NPAS3: variants seen among roughly 807,000 people sequenced by gnomAD.
NPAS3 encodes neuronal PAS domain-containing protein 3.
Under a neutral mutation model 73.1 loss-of-function variants are expected in NPAS3, and 14 were observed. The ratio of observed to expected loss-of-function variants is 0.19; its 90% CI spans 0.13 to 0.30. The LOEUF (loss-of-function observed/expected upper bound fraction) is 0.30. Ranked by LOEUF, NPAS3 falls within the 10% of genes least tolerant of loss-of-function variation. The pLI, the probability that NPAS3 is intolerant of heterozygous loss-of-function variation, is 1.00. For missense variants in NPAS3, 1,096 were observed against 1,250.0 expected, an observed-to-expected ratio of 0.88 and a Z score of 1.86; for synonymous variants, 620 against 541.5, an observed-to-expected ratio of 1.14 and a Z score of -2.01.
chr14:33,325,698 G>A (rs1052876901), intron 3 of NPAS3, among the ~76,000 whole-genome samples: 6 of 146,420 alleles, frequency 4.1e-5, no homozygotes, highest in African/African-American at 1.5e-4. Flanking sequence ...ACCCTGTTGT[G>A]TTATCTAATA....
intron 4 of NPAS3, among the ~76,000 whole-genome samples, chr14:33,500,680 A>G (rs2052468338): frequency 6.6e-6 from 1 of 151,968 alleles, no homozygotes; most frequent in African/African-American, 2.4e-5. Context: ...GCTTTAAAAA[A>G]CAAAACAAAA....
chr14:33,553,406 T>C (rs1354099293), intron 4 of NPAS3, among the ~76,000 whole-genome samples: 4 of 152,258 alleles, frequency 2.6e-5, no homozygotes, highest in Non-Finnish European at 2.9e-5. Context: ...AGGCCATCTA[T>C]GGCTCTTAAC....
chr14:33,450,937 C>T (rs907424168), intron 4 of NPAS3, among the ~76,000 whole-genome samples: 1 of 152,126 alleles, frequency 6.6e-6, no homozygotes. Context: ...TCTATAGGAG[C>T]TCTGTAACTG....
intron 1 of NPAS3, among the ~76,000 whole-genome samples, chr14:32,946,346 G>GCACACACACACACACACACACA (rs5807694): frequency 7.6e-6 from 1 of 131,872 alleles, no homozygotes; most frequent in Non-Finnish European, 1.6e-5. Context: ...ACACACACAC[G>GCACACACACACACACACACACA]CGCACACACA....
At chr14:33,547,674 G>A (rs2054911773) in intron 4 of NPAS3, among the ~76,000 whole-genome samples, 1 of 152,082 alleles carries the variant, frequency 6.6e-6, no homozygotes, top group Non-Finnish European at 1.5e-5. Context: ...TATGAAAAGG[G>A]AACTAAAATA....
At chr14:32,989,946 G>A (rs1431013777) in intron 1 of NPAS3, among the ~76,000 whole-genome samples, 2 of 152,156 alleles carry the variant, frequency 1.3e-5, no homozygotes, top group Non-Finnish European at 2.9e-5. Flanking sequence ...AGTGTGAATA[G>A]GGGTGGACTT....
intron 2 of NPAS3, among the ~76,000 whole-genome samples, chr14:33,161,203 T>C (rs1175213244): frequency 6.6e-6 from 1 of 152,234 alleles, no homozygotes; most frequent in Non-Finnish European, 1.5e-5. Flanking sequence ...ATATTTTCTG[T>C]ATAGTTTCCT....
chr14:33,547,550 C>A (rs748469393), intron 4 of NPAS3, among the ~76,000 whole-genome samples: 2 of 152,106 alleles, frequency 1.3e-5, no homozygotes, highest in Non-Finnish European at 2.9e-5. Flanking sequence ...ACATTGGCTG[C>A]GAAGTACGGT....
At chr14:33,490,966 T>TGCAGCAGCA (rs56325961) in intron 4 of NPAS3, among the ~76,000 whole-genome samples, 2 of 152,206 alleles carry the variant, frequency 1.3e-5, no homozygotes, top group Non-Finnish European at 2.9e-5. Context: ...AATTTTTCAC[T>TGCAGCAGCA]GCAGCAGCAG....
chr14:33,783,231 G>A (rs962190043), intron 9 of NPAS3, among the ~76,000 whole-genome samples: 2 of 152,192 alleles, frequency 1.3e-5, no homozygotes, highest in African/African-American at 4.8e-5. Flanking sequence ...TGCAAGTGAA[G>A]GAAAGAGAAA....
chr14:33,642,710 T>C (rs956151686), intron 5 of NPAS3, among the ~76,000 whole-genome samples: 3 of 152,168 alleles, frequency 2.0e-5, no homozygotes, highest in African/African-American at 7.2e-5. Flanking sequence ...GTGCACCTAT[T>C]TTTTTAATTA....
chr14:33,684,876 G>A (rs1293287989), intron 6 of NPAS3, among the ~76,000 whole-genome samples: 1 of 152,224 alleles, frequency 6.6e-6, no homozygotes, highest in Admixed American at 6.5e-5. Context: ...GCAGAGCAGA[G>A]CAATGGTGTT....
intron 2 of NPAS3, among the ~76,000 whole-genome samples, chr14:33,183,843 A>G (rs1038127351): frequency 2.0e-5 from 3 of 151,994 alleles, no homozygotes; most frequent in African/African-American, 7.2e-5. Context: ...CACTCCTCCT[A>G]TCTGCAAGCC....
At chr14:33,465,902 A>T (rs1281722666) in intron 4 of NPAS3, among the ~76,000 whole-genome samples, 2 of 152,210 alleles carry the variant, frequency 1.3e-5, no homozygotes, top group African/African-American at 4.8e-5. Context: ...TATATAATAG[A>T]TAATAAAATG....
chr14:33,616,488 G>A (rs552765030), intron 5 of NPAS3, among the ~76,000 whole-genome samples: 100 of 152,264 alleles, frequency 6.6e-4, no homozygotes, highest in Admixed American at 1.0e-3. Context: ...ACCAGTGCCC[G>A]TCTCGGCAGC....
At chr14:33,373,015 T>A (rs2046158013) in intron 4 of NPAS3, among the ~76,000 whole-genome samples, 1 of 152,222 alleles carries the variant, frequency 6.6e-6, no homozygotes. Context: ...ACTTTTCCAA[T>A]ATAAGGACCA....
At chr14:32,944,761 T>A (rs927220777) in intron 1 of NPAS3, among the ~76,000 whole-genome samples, 1 of 152,234 alleles carries the variant, frequency 6.6e-6, no homozygotes, top group African/African-American at 2.4e-5. Flanking sequence ...TGCTACTGTA[T>A]CTGAAATGAC....
At chr14:33,134,737 T>A (rs987706954) in intron 2 of NPAS3, among the ~76,000 whole-genome samples, 5 of 152,200 alleles carry the variant, frequency 3.3e-5, no homozygotes. Flanking sequence ...TTAGCTGTGG[T>A]GTATTGCTGG....
chr14:33,523,891 G>A (rs2053671920), intron 4 of NPAS3, among the ~76,000 whole-genome samples: 1 of 152,054 alleles, frequency 6.6e-6, no homozygotes, highest in South Asian at 2.1e-4. Flanking sequence ...TATGTGTGGG[G>A]CCACAACACA....
Sources: gnomAD v4.1 joint callset for allele counts (sites outside exome capture counted in the v4.1 genomes callset) on GRCh38, gnomAD v4.1.1 for gene constraint, MANE v1.5 for transcripts, NCBI Gene and HGNC (gene_info 2026-07-23, HGNC 2026-07-21) for gene names.